The following TNRC6B variants were observed in gnomAD, a reference collection of about 807,000 sequenced individuals.
The protein encoded by TNRC6B is trinucleotide repeat containing adaptor 6B.
Under a neutral mutation model 203.6 loss-of-function variants are expected in TNRC6B, and 52 were observed. That is an observed-to-expected ratio of 0.26 (90% CI 0.20 to 0.32). The LOEUF is 0.32. Ranked by LOEUF, TNRC6B falls within the 10% of genes least tolerant of loss-of-function variation. TNRC6B has a pLI of 1.00. For synonymous variants in TNRC6B, 838 were observed against 845.7 expected (o/e 0.99, Z 0.16); for missense variants, 1,923 against 2,286.2 (o/e 0.84, Z 3.24).
intron 1 of TNRC6B, among the ~76,000 whole-genome samples, chr22:40,097,868 A>G (rs888096071): frequency 6.6e-6 from 1 of 152,148 alleles, no homozygotes; most frequent in African/African-American, 2.4e-5. Flanking sequence ...TATTTAAGAC[A>G]GGGTCTCGCT....
intron 12 of TNRC6B, among the ~76,000 whole-genome samples, chr22:40,293,352 C>G (rs2070894973): frequency 6.6e-6 from 1 of 151,916 alleles, no homozygotes; most frequent in South Asian, 2.1e-4. Flanking sequence ...AGCCACCATG[C>G]CTGGCTAATT....
At chr22:40,065,642 T>G (rs1203756304) in intron 1 of TNRC6B, among the ~76,000 whole-genome samples, 1 of 152,160 alleles carries the variant, frequency 6.6e-6, no homozygotes, top group East Asian at 1.9e-4. Flanking sequence ...AAGTTTTATA[T>G]TATTGGATGG....
rs1284960566 is a variant in TNRC6B at position 40,285,515 on chromosome 22, G to A, written c.3583-130G>A. 4 of 1,109,318 alleles carry A rather than the reference G, an allele frequency of 3.6e-6. No individual in the cohort carries two copies. In the East Asian group the frequency reaches 7.7e-5, roughly 21 times the overall value. 68.7% of individuals were successfully genotyped at this position (1,109,318 alleles called of 1,614,324 possible). A position where few individuals can be genotyped will look rare whatever the true frequency, so the allele number is the denominator to read the frequency against. ...GCCTTCTAAGATAAGGAACTTCTCAGTTACAAAATTCTGTTATTCCATCGA... is the reference window on the plus strand; with the variant it reads ...GCCTTCTAAGATAAGGAACTTCTCAATTACAAAATTCTGTTATTCCATCGA... On this transcript the variant is annotated intron_variant, in intron 11 of 22. Transcript: ENST00000454349.
At chr22:40,272,904 T>G (rs2070583903) in intron 6 of TNRC6B, among the ~76,000 whole-genome samples, 1 of 152,214 alleles carries the variant, frequency 6.6e-6, no homozygotes, top group South Asian at 2.1e-4. Flanking sequence ...ATTCTAATAT[T>G]CAAAAATGTT....
intron 10 of TNRC6B, 88 bp downstream of exon 10, chr22:40,280,231 A>G: frequency 7.4e-7 from 1 of 1,347,448 alleles, no homozygotes; most frequent in East Asian, 2.3e-5. Context: ...TAGAGGAAGC[A>G]TAGAATTACT....
At chr22:40,163,877 C>G (rs984187019) in intron 4 of TNRC6B, among the ~76,000 whole-genome samples, 1 of 151,774 alleles carries the variant, frequency 6.6e-6, no homozygotes, top group Non-Finnish European at 1.5e-5. Context: ...AGGGGAGGCT[C>G]AAGGCAGAAA....
chr22:40,268,393 A>G (rs900872888), intron 5 of TNRC6B, among the ~76,000 whole-genome samples: 2 of 152,170 alleles, frequency 1.3e-5, no homozygotes, highest in Non-Finnish European at 1.5e-5. Flanking sequence ...GCCAAGAATC[A>G]GTTTTCTCCG....
At chr22:40,110,278 C>T (rs1393703363) in intron 1 of TNRC6B, among the ~76,000 whole-genome samples, 1 of 152,128 alleles carries the variant, frequency 6.6e-6, no homozygotes, top group Non-Finnish European at 1.5e-5. Flanking sequence ...ATATTTATTA[C>T]CTCTAATCTG....
chr22:40,141,516 T>C (rs2068644581), intron 3 of TNRC6B, among the ~76,000 whole-genome samples: 1 of 152,106 alleles, frequency 6.6e-6, no homozygotes, highest in African/African-American at 2.4e-5. Context: ...ATATAGTTAA[T>C]GGTTGAGGGC....
chr22:40,099,782 G>A (rs140741069), intron 1 of TNRC6B, among the ~76,000 whole-genome samples: 1,589 of 152,062 alleles, frequency 0.01, 20 homozygotes, highest in African/African-American at 0.037. Flanking sequence ...ACGGAGTCTC[G>A]CTCTGCTGCC....
chr22:40,122,454 C>T (rs144104921), intron 2 of TNRC6B, among the ~76,000 whole-genome samples: 97 of 152,168 alleles, frequency 6.4e-4, no homozygotes, highest in African/African-American at 2.2e-3. Flanking sequence ...GACCTACTCA[C>T]GGGTAGTTGT....
At chr22:40,280,975 TATCAG>T in intron 10 of TNRC6B, 139 bp from the exon 11 acceptor site, 1 of 651,830 alleles carries the variant, frequency 1.5e-6, no homozygotes, top group Non-Finnish European at 2.5e-6. Context: ...TAAAGATTAT[TATCAG>T]ATCCAAATTC....
At chr22:40,188,426 AT>A (rs1246550120) in intron 1 of TNRC6B, among the ~76,000 whole-genome samples, 1 of 152,132 alleles carries the variant, frequency 6.6e-6, no homozygotes, top group African/African-American at 2.4e-5. Flanking sequence ...GACTTCTTAC[AT>A]TTTTGTTTTT....
At chr22:40,077,821 A>G (rs1334270068) in intron 1 of TNRC6B, among the ~76,000 whole-genome samples, 1 of 152,184 alleles carries the variant, frequency 6.6e-6, no homozygotes, top group African/African-American at 2.4e-5. Context: ...GTCAGTGGAT[A>G]CATACTGCAT....
chr22:40,180,675 G>A (rs2069119185), intron 1 of TNRC6B, among the ~76,000 whole-genome samples: 1 of 152,162 alleles, frequency 6.6e-6, no homozygotes, highest in African/African-American at 2.4e-5. Flanking sequence ...GTGTGCAGAT[G>A]GATAGTATTT....
chr22:40,222,724 C>CTTTT (rs1569027045), intron 1 of TNRC6B, among the ~76,000 whole-genome samples: 1 of 91,458 alleles, frequency 1.1e-5, no homozygotes, highest in African/African-American at 3.6e-5. Context: ...TTCTCTCTCT[C>CTTTT]TCTCTTTTTT....
intron 7 of TNRC6B, among the ~76,000 whole-genome samples, chr22:40,275,442 GT>G (rs950841936): frequency 5.9e-5 from 9 of 151,712 alleles, no homozygotes; most frequent in African/African-American, 9.7e-5. Flanking sequence ...TACCGAGGGC[GT>G]TTTTTTTAAA....
At chr22:40,078,938 G>T (rs1483870159) in intron 1 of TNRC6B, among the ~76,000 whole-genome samples, 1 of 151,938 alleles carries the variant, frequency 6.6e-6, no homozygotes. Context: ...GCTGGGCGTG[G>T]TGGTGGGAGC....
intron 3 of TNRC6B, among the ~76,000 whole-genome samples, chr22:40,154,840 C>CAAAAAAAAAA (rs57206167): frequency 6.8e-5 from 2 of 29,236 alleles, no homozygotes; most frequent in African/African-American, 1.5e-4. Context: ...GACTCTATCT[C>CAAAAAAAAAA]AAAAAAAAAA....
Sources: allele counts gnomAD v4.1 joint callset (sites outside exome capture counted in the v4.1 genomes callset), GRCh38; gene constraint gnomAD v4.1.1; transcripts MANE v1.5; gene names NCBI Gene and HGNC (gene_info 2026-07-23, HGNC 2026-07-21).